The following TRAK2 variants were observed in gnomAD, a reference collection of about 807,000 sequenced individuals.
TRAK2 encodes the protein trafficking kinesin protein 2.
In TRAK2, 81 loss-of-function variants were observed where a neutral mutation model predicts 104.6. That is an observed-to-expected ratio of 0.77 (90% CI 0.65 to 0.93). The LOEUF (loss-of-function observed/expected upper bound fraction) is 0.93, where lower values mean the gene tolerates loss of function less well. TRAK2 is among the 40% of genes least tolerant of loss of function. TRAK2 has a pLI of 0.00. For missense variants in TRAK2, 1,002 were observed against 1,089.0 expected, an observed-to-expected ratio of 0.92 and a Z score of 1.12; for synonymous variants, 406 against 394.4, an observed-to-expected ratio of 1.03 and a Z score of -0.35.
intron 1 of TRAK2, among the ~76,000 whole-genome samples, chr2:201,446,257 A>T (rs1203788624): frequency 6.6e-6 from 1 of 152,006 alleles, no homozygotes; most frequent in Non-Finnish European, 1.5e-5. Flanking sequence ...CTAGCTTCCT[A>T]GACACACCAG....
chr2:201,437,960 T>C (rs970830630), intron 1 of TRAK2, among the ~76,000 whole-genome samples: 3 of 152,218 alleles, frequency 2.0e-5, no homozygotes, highest in African/African-American at 7.2e-5. Context: ...TTGGCAGTTG[T>C]ACTGTATATC....
Position 201,420,415 on chromosome 2 carries a change from A to G in TRAK2, c.91+2T>C, listed in dbSNP as rs1400088220. 6.2e-7 allele frequency: 1 copy of G among 1,613,068 alleles called. No individual in the cohort carries two copies. The highest frequency in any genetic ancestry group is 2.2e-5 in the East Asian group (1 of 44,868). On this transcript the variant is annotated splice_donor_variant, in intron 2 of 15. Transcript: ENST00000332624. LOFTEE classifies it high-confidence loss of function. ...CTTCAATATTTATTAAACTGGACTT[A>G]CCAGTGATGCTCTCCGAGTCTCTGT... is the stretch of plus-strand genomic sequence containing the variant.
intron 1 of TRAK2, among the ~76,000 whole-genome samples, chr2:201,426,666 A>C (rs1237196523): frequency 6.6e-6 from 1 of 152,204 alleles, no homozygotes; most frequent in African/African-American, 2.4e-5. Flanking sequence ...AATAGAGAAA[A>C]CCAAGTTGAA....
At chr2:201,424,278 A>G (rs1019496587) in intron 1 of TRAK2, among the ~76,000 whole-genome samples, 4 of 152,220 alleles carry the variant, frequency 2.6e-5, no homozygotes, top group Non-Finnish European at 5.9e-5. Flanking sequence ...AGGGAACCAA[A>G]TATCACCTGC....
intron 2 of TRAK2, chr2:201,410,628 GAAGA>G: frequency 7.7e-7 from 1 of 1,295,510 alleles, no homozygotes; most frequent in South Asian, 1.2e-5. Flanking sequence ...TCTGTGGGTT[GAAGA>G]AAGGATTACC....
rs897053560 is a variant in TRAK2, at chr2:201,443,999, G to A, written c.-200+7351C>T. The stretch of plus-strand genomic sequence containing the variant: ...GCAGATCACTTGAGTTCAGGAGTTC[G>A]AGATCTGCCTGGACAGCATGGTAAA... On this transcript the variant is annotated intron_variant, in intron 1 of 15. Coordinates refer to ENST00000332624, the MANE Select transcript of TRAK2 (RefSeq NM_015049.3). 3.3e-5 allele frequency among the ~76,000 whole-genome samples: 5 copies of A among 152,190 alleles called. No individual in the cohort carries two copies. The East Asian group carries it at 5.8e-4, about 18-fold the overall frequency.
intron 8 of TRAK2, 41 bp from the exon 9 acceptor site, chr2:201,394,913 T>A: frequency 6.7e-7 from 1 of 1,489,260 alleles, no homozygotes; most frequent in Non-Finnish European, 9.3e-7. Flanking sequence ...CCTTTCCAAG[T>A]AAAATATAGC....
At chr2:201,427,533 A>G (rs900807336) in intron 1 of TRAK2, among the ~76,000 whole-genome samples, 1 of 152,184 alleles carries the variant, frequency 6.6e-6, no homozygotes, top group Non-Finnish European at 1.5e-5. Flanking sequence ...AGTATTCCAG[A>G]GTGTATATGT....
intron 2 of TRAK2, among the ~76,000 whole-genome samples, chr2:201,408,751 C>T (rs1951618770): frequency 6.6e-6 from 1 of 152,034 alleles, no homozygotes. Flanking sequence ...TACAAAGCAA[C>T]CAGCAGAAAA....
Position 201,381,259 on chromosome 2 carries a change from A to T in TRAK2, c.2070-41T>A, listed in dbSNP as rs766125814. The T allele has an allele frequency of 1.0e-5, 16 of 1,527,788 alleles. No homozygotes were observed. In the East Asian group the frequency reaches 3.6e-4, roughly 35 times the overall value. 94.6% of individuals were successfully genotyped at this position (1,527,788 alleles called of 1,614,324 possible). The stretch of plus-strand genomic sequence containing the variant: ...AAAAAGTGGGAGACAGTGTTTAAGA[A>T]TAAAAAGCAAGCTCCAAGCTGGCAT... On this transcript the variant is annotated intron_variant, in intron 15 of 15. Transcript: ENST00000332624.
At chr2:201,422,570 C>T (rs1951751795) in intron 1 of TRAK2, among the ~76,000 whole-genome samples, 1 of 152,132 alleles carries the variant, frequency 6.6e-6, no homozygotes, top group African/African-American at 2.4e-5. Context: ...AAAATGGTTA[C>T]TGAGGCAGAA....
Position 201,384,102 on chromosome 2 carries a change from C to T in TRAK2, c.2069+9G>A, listed in dbSNP as rs757868817. 6.4e-7 allele frequency: 1 copy of T among 1,567,936 alleles called. No individual in the cohort carries two copies. The highest frequency in any genetic ancestry group is 1.2e-5 in the South Asian group (1 of 86,052). On this transcript the variant is annotated intron_variant, in intron 15 of 15. Coordinates refer to ENST00000332624, the MANE Select transcript of TRAK2 (RefSeq NM_015049.3). ...GAAGTGAGGCCCCAGATTTCCCAGGCACTCTTACCTGGGGGTAACCTGAGT... is the reference window on the plus strand; with the variant it reads ...GAAGTGAGGCCCCAGATTTCCCAGGTACTCTTACCTGGGGGTAACCTGAGT...
chr2:201,438,261 A>T (rs1951893623), intron 1 of TRAK2, among the ~76,000 whole-genome samples: 1 of 152,230 alleles, frequency 6.6e-6, no homozygotes, highest in Non-Finnish European at 1.5e-5. Flanking sequence ...GATGGTAAAC[A>T]ATTTATGATA....
intron 13 of TRAK2, 67 bp from the exon 14 acceptor site, chr2:201,386,551 G>A (rs1951393008): frequency 1.3e-5 from 21 of 1,558,702 alleles, no homozygotes; most frequent in Non-Finnish European, 1.8e-5. Flanking sequence ...TAAAACACAA[G>A]CTAAAATTAT....
In TRAK2 at chr2:201,408,888, G is replaced by A. The variant is rs979570970; in HGVS notation, c.92-1291C>T. Among the ~76,000 whole-genome samples, 20 of 152,068 alleles carry A rather than the reference G, an allele frequency of 1.3e-4. 1 individual carries two copies. The highest frequency in any genetic ancestry group is 4.6e-4 in the African/African-American group (19 of 41,404). Reference sequence around the variant, plus strand: ...AAGTCATTAAATTTTTTTAAAAATTGCATTAAATTTTACTGAGCACTGGTA... The same window carrying A: ...AAGTCATTAAATTTTTTTAAAAATTACATTAAATTTTACTGAGCACTGGTA... On this transcript the variant is annotated intron_variant, in intron 2 of 15. Transcript: ENST00000332624.
At chr2:201,433,707 C>T (rs1951860786) in intron 1 of TRAK2, among the ~76,000 whole-genome samples, 2 of 152,180 alleles carry the variant, frequency 1.3e-5, no homozygotes, top group South Asian at 2.1e-4. Flanking sequence ...AGAGCTTCAC[C>T]TGCAGATAAG....
rs753789818 is a variant in TRAK2 at position 201,394,828 on chromosome 2, G to A, written c.945C>T (p.Ser315=). ...TTGTCAGTTGCCGTTGGGCATCTTT[G>A]GAAGCTTGCAGGTGAAGTTTTAGTT... ...KEELKLHLQA[S]KDAQRQLTME... The change falls in exon 9 of 16, where the codon TCC becomes TCT. Residue 315 remains serine (S), a synonymous_variant. Transcript: ENST00000332624. The A allele has an allele frequency of 6.2e-7, 1 of 1,613,898 alleles. No homozygotes were observed. The highest frequency in any genetic ancestry group is 8.5e-7 in the Non-Finnish European group (1 of 1,179,904).
At chr2:201,381,646 A>T (rs1330661614) in intron 15 of TRAK2, among the ~76,000 whole-genome samples, 1 of 152,224 alleles carries the variant, frequency 6.6e-6, no homozygotes, top group African/African-American at 2.4e-5. Flanking sequence ...ACATTGAGAC[A>T]ATAATCCATG....
chr2:201,440,103 AAAG>A (rs1428779330), intron 1 of TRAK2, among the ~76,000 whole-genome samples: 1 of 152,016 alleles, frequency 6.6e-6, no homozygotes, highest in Non-Finnish European at 1.5e-5. Context: ...AGTGCCTCTT[AAAG>A]AAGAAAAAAG....
Sources: gnomAD v4.1 joint callset for allele counts (sites outside exome capture counted in the v4.1 genomes callset) on GRCh38, gnomAD v4.1.1 for gene constraint, MANE v1.5 for transcripts, NCBI Gene and HGNC (gene_info 2026-07-23, HGNC 2026-07-21) for gene names.